SNRPN: variants seen among roughly 807,000 people sequenced by gnomAD.
The protein encoded by SNRPN is small nuclear ribonucleoprotein polypeptide N.
In SNRPN, 7 loss-of-function variants were observed where a neutral mutation model predicts 25.2. The ratio of observed to expected loss-of-function variants is 0.28; its 90% CI spans 0.16 to 0.52. SNRPN has a LOEUF of 0.52. Ranked by LOEUF, SNRPN falls within the 20% of genes least tolerant of loss-of-function variation. The pLI is 0.96. For missense variants in SNRPN, 196 were observed against 322.5 expected, an observed-to-expected ratio of 0.61 and a Z score of 3.00; for synonymous variants, 124 against 110.6, an observed-to-expected ratio of 1.12 and a Z score of -0.76.
intron 1 of SNRPN, among the ~76,000 whole-genome samples, chr15:24,882,469 T>C (rs2056781042): frequency 6.6e-6 from 1 of 152,150 alleles, no homozygotes; most frequent in Admixed American, 6.6e-5. Flanking sequence ...TCCACTTTCA[T>C]AGCACAGATG....
chr15:24,962,275 C>A, intron 2 of SNRPN, 66 bp downstream of exon 2: 2 of 1,269,042 alleles, frequency 1.6e-6, no homozygotes, highest in Non-Finnish European at 2.3e-6. Flanking sequence ...AACAAAATAT[C>A]ATGCAATGAG....
chr15:24,842,672 T>A (rs1183364888), intron 2 of SNRPN, among the ~76,000 whole-genome samples: 1 of 152,136 alleles, frequency 6.6e-6, no homozygotes, highest in African/African-American at 2.4e-5. Flanking sequence ...ACTAAAGATG[T>A]GACATTCCTT....
At chr15:24,862,768 G>A (rs1458078836) in intron 1 of SNRPN, among the ~76,000 whole-genome samples, 2 of 150,886 alleles carry the variant, frequency 1.3e-5, no homozygotes, top group Non-Finnish European at 2.9e-5. Context: ...TCAGGAGGAG[G>A]AGCATTGGAG....
intron 1 of SNRPN, among the ~76,000 whole-genome samples, chr15:24,857,714 G>A (rs1422697231): frequency 2.6e-5 from 4 of 152,010 alleles, no homozygotes; most frequent in African/African-American, 9.7e-5. Flanking sequence ...ACCACCCAAG[G>A]GATTCACCTT....
intron 4 of SNRPN, 60 bp downstream of exon 4, chr15:24,974,516 T>C (rs1387506810): frequency 3.3e-6 from 5 of 1,506,956 alleles, no homozygotes; most frequent in Non-Finnish European, 3.7e-6. Context: ...AGAAATAGTT[T>C]GCCAGCATGT....
At position 24,837,810 on chromosome 15, in the gene SNRPN, C is replaced by T. The variant is rs1020888965; in HGVS notation, c.-579+7905C>T. 4.6e-5 allele frequency among the ~76,000 whole-genome samples: 7 copies of T among 152,012 alleles called. 1 individual carries two copies. Among genetic ancestry groups the T allele is most frequent in the African/African-American group, 1.7e-4 (7 of 41,402 alleles). On this transcript the variant is annotated intron_variant, in intron 2 of 12. Transcript: ENST00000400100. ...TACAATCTTGGCTCACTGCAACCTC[C>T]GCCTCCTGGTTCAAGGGATTTTCCA...
Position 24,909,748 on chromosome 15 carries a change from C to T in SNRPN, c.-504-10263C>T, listed in dbSNP as rs565425031. 11 of 1,258,386 alleles carry T rather than the reference C, an allele frequency of 8.7e-6. No individual in the cohort carries two copies. In the African/African-American group the frequency reaches 1.6e-4, roughly 18 times the overall value. The allele number at this position is 1,258,386 out of a possible 1,614,324, so 78.0% of individuals were successfully genotyped here. ...TCCGAGTATCGTAATCAGTTTTACC[C>T]TCTCATCATCGTCTTCTAAATTTCA... On this transcript the variant is annotated intron_variant, in intron 2 of 11. Coordinates refer to the SNRPN transcript ENST00000400097.
intron 3 of SNRPN, among the ~76,000 whole-genome samples, chr15:24,937,814 G>A (rs983015716): frequency 2.0e-5 from 3 of 151,696 alleles, no homozygotes; most frequent in Admixed American, 6.6e-5. Context: ...TCTACTTCCT[G>A]TCTCCATGAC....
At position 24,885,210 on chromosome 15, in the gene SNRPN, A is replaced by G. The variant is rs532102619; in HGVS notation, c.-578-1306A>G. ...TGTTGTTGTAGGAGTGTATCCTTGC[A>G]CCGGTAGCCTAGGTATTGTTAAGCT... On this transcript the variant is annotated intron_variant, in intron 1 of 11. Coordinates refer to the SNRPN transcript ENST00000400097. Among the ~76,000 whole-genome samples the G allele has an allele frequency of 5.9e-5, 9 of 152,316 alleles. No homozygotes were observed. The South Asian group carries it at 1.5e-3, about 25-fold the overall frequency.
chr15:24,931,610 G>T (rs1035382278), intron 3 of SNRPN, among the ~76,000 whole-genome samples: 4 of 151,624 alleles, frequency 2.6e-5, no homozygotes, highest in Non-Finnish European at 5.9e-5. Context: ...GAGGGGCGGG[G>T]GGTGAATGGC....
At chr15:24,881,996 C>T (rs1409810807) in intron 1 of SNRPN, among the ~76,000 whole-genome samples, 3 of 152,162 alleles carry the variant, frequency 2.0e-5, no homozygotes. Flanking sequence ...TCCTCATCCA[C>T]TTCCACCTTC....
chr15:24,867,599 C>T (rs1194432554), intron 1 of SNRPN, among the ~76,000 whole-genome samples: 1 of 152,136 alleles, frequency 6.6e-6, no homozygotes, highest in African/African-American at 2.4e-5. Context: ...TGGTCCCGAT[C>T]TCCTGACCTC....
chr15:24,892,269 T>A (rs1413819847), intron 2 of SNRPN, among the ~76,000 whole-genome samples: 1 of 152,068 alleles, frequency 6.6e-6, no homozygotes, highest in Non-Finnish European at 1.5e-5. Context: ...TGGACTAAAG[T>A]TTAAGAGAAG....
At chr15:24,895,234 C>T (rs1473257231) in intron 2 of SNRPN, among the ~76,000 whole-genome samples, 1 of 152,118 alleles carries the variant, frequency 6.6e-6, no homozygotes, top group Non-Finnish European at 1.5e-5. Context: ...TCAAAAAGCC[C>T]TTCCCAGGTT....
rs61039873 is a variant in SNRPN at position 24,884,148 on chromosome 15, CA to C, written c.-578-2352del. On this transcript the variant is annotated intron_variant, in intron 1 of 11. Transcript: ENST00000400097. ...GCAACATGGCATAACCCTGCCTCTA[CA>C]AAAAAAAAAAAAAAAGATCTATATA... is the stretch of plus-strand genomic sequence containing the variant. 5.2e-3 allele frequency among the ~76,000 whole-genome samples: 550 copies of C among 104,834 alleles called. 6 individuals carry two copies. The highest frequency in any genetic ancestry group is 7.5e-3 in the Non-Finnish European group (404 of 54,152). 68.8% of individuals were successfully genotyped at this position (104,834 alleles called of 152,430 possible). A position where few individuals can be genotyped will look rare whatever the true frequency, so the allele number is the denominator to read the frequency against.
At chr15:24,951,544 A>G (rs1181448413), upstream of SNRPN, among the ~76,000 whole-genome samples, 3 of 147,798 alleles carry the variant, frequency 2.0e-5, no homozygotes, top group East Asian at 2.0e-4. Context: ...GTCTCACTCT[A>G]TTACCCAGGC....
chr15:24,894,904 A>T (rs928967909), intron 2 of SNRPN, among the ~76,000 whole-genome samples: 6 of 152,128 alleles, frequency 3.9e-5, no homozygotes, highest in African/African-American at 1.2e-4. Context: ...GTAACAAGAG[A>T]CAGATTAATG....
At chr15:24,825,951 A>G (rs1264018084) in intron 1 of SNRPN, among the ~76,000 whole-genome samples, 3 of 152,078 alleles carry the variant, frequency 2.0e-5, no homozygotes, top group Non-Finnish European at 4.4e-5. Context: ...TAGGAAATTC[A>G]GGTTTGGGTC....
At chr15:24,903,923 A>G (rs2058625523) in intron 2 of SNRPN, among the ~76,000 whole-genome samples, 1 of 151,842 alleles carries the variant, frequency 6.6e-6, no homozygotes, top group African/African-American at 2.4e-5. Context: ...GGTCCCAGGT[A>G]TTTGGGAGAC....
Sources: allele counts gnomAD v4.1 joint callset (sites outside exome capture counted in the v4.1 genomes callset), GRCh38; gene constraint gnomAD v4.1.1; transcripts MANE v1.5; gene names NCBI Gene and HGNC (gene_info 2026-07-23, HGNC 2026-07-21).